USH2A: variants seen among roughly 807,000 people sequenced by gnomAD.
The protein encoded by USH2A is Usher syndrome 2A (autosomal recessive, mild).
A neutral mutation model predicts 538.9 loss-of-function variants in USH2A; 443 were observed. That is an observed-to-expected ratio of 0.82 (90% CI 0.76 to 0.89). The LOEUF (loss-of-function observed/expected upper bound fraction) is 0.89. Ranked by LOEUF, USH2A falls within the 40% of genes least tolerant of loss-of-function variation. The pLI, the probability that USH2A is intolerant of heterozygous loss-of-function variation, is 0.00. For synonymous variants in USH2A, 2,413 were observed against 2,273.5 expected (o/e 1.06, Z -1.75); for missense variants, 6,633 against 6,324.8 (o/e 1.05, Z -1.65).
chr1:216,207,728 T>C (rs1443818934), intron 15 of USH2A, among the ~76,000 whole-genome samples: 5 of 151,610 alleles, frequency 3.3e-5, no homozygotes, highest in African/African-American at 1.2e-4. Context: ...TTTTTTTTTT[T>C]TTTGAGAAAC....
intron 38 of USH2A, among the ~76,000 whole-genome samples, chr1:215,912,026 C>T (rs762965964): frequency 6.6e-6 from 1 of 151,960 alleles, no homozygotes; most frequent in South Asian, 2.1e-4. Context: ...AATGTCTATT[C>T]AAATATTTTG....
chr1:216,036,668 G>T (rs1295019503), intron 32 of USH2A, among the ~76,000 whole-genome samples: 2 of 152,082 alleles, frequency 1.3e-5, no homozygotes, highest in Non-Finnish European at 2.9e-5. Flanking sequence ...AATTCTAATT[G>T]CACAGATGAA....
intron 3 of USH2A, among the ~76,000 whole-genome samples, chr1:216,381,096 G>A (rs1345081912): frequency 1.3e-5 from 2 of 152,138 alleles, no homozygotes; most frequent in Non-Finnish European, 2.9e-5. Flanking sequence ...GAGAAAAGGA[G>A]AGAAGAAATT....
chr1:216,230,740 T>A (rs558159792), intron 14 of USH2A, among the ~76,000 whole-genome samples: 1 of 152,138 alleles, frequency 6.6e-6, no homozygotes, highest in African/African-American at 2.4e-5. Context: ...TTTATAAATA[T>A]ACACATATTG....
At chr1:216,231,579 T>A (rs1472720383) in intron 14 of USH2A, among the ~76,000 whole-genome samples, 1 of 151,598 alleles carries the variant, frequency 6.6e-6, no homozygotes, top group Non-Finnish European at 1.5e-5. Flanking sequence ...GACAGAGTCT[T>A]GCCCTGTCTC....
chr1:216,177,264 T>A lies in USH2A; in HGVS notation c.4397-1782A>T, dbSNP rs1276720590. On this transcript the variant is annotated intron_variant, in intron 20 of 71. Transcript: ENST00000307340. ...TCCAGATTTTGGCCATTCTAATGGG[T>A]GTGTAGTGGTATCTTATTTTAATTT... is the stretch of plus-strand genomic sequence containing the variant. Among the ~76,000 whole-genome samples, 3 of 152,146 alleles carry A rather than the reference T, an allele frequency of 2.0e-5. No individual in the cohort carries two copies. The East Asian group carries it at 5.8e-4, about 29-fold the overall frequency.
chr1:216,313,015 T>A (rs1571690545), intron 9 of USH2A, among the ~76,000 whole-genome samples: 2 of 152,060 alleles, frequency 1.3e-5, no homozygotes, highest in Admixed American at 6.6e-5. Flanking sequence ...GCACCAGGGA[T>A]CGGTTTTGTG....
At chr1:215,674,076 G>A (rs370984011) in intron 63 of USH2A, 24 bp downstream of exon 63, 1 of 1,613,818 alleles carries the variant, frequency 6.2e-7, no homozygotes, top group Non-Finnish European at 8.5e-7. Flanking sequence ...CTTACTCTCA[G>A]AAAACCGAGA....
Position 215,704,984 on chromosome 1 carries a change from T to C in USH2A, c.12066+23046A>G, listed in dbSNP as rs114104876. Among the ~76,000 whole-genome samples, 757 of 152,336 alleles carry C rather than the reference T, an allele frequency of 5.0e-3. 5 individuals are homozygous for C. Among genetic ancestry groups the C allele is most frequent in the African/African-American group, 0.017 (709 of 41,578 alleles). ...TGTTTGGCACCATATGGGTGCTCTA[T>C]AGATGTCTGCGGAATGAATAAATTA... On this transcript the variant is annotated intron_variant, in intron 61 of 71. Coordinates refer to ENST00000307340, the MANE Select transcript of USH2A (RefSeq NM_206933.4).
chr1:215,830,746 C>A, intron 47 of USH2A, among the ~76,000 whole-genome samples: 1 of 152,168 alleles, frequency 6.6e-6, no homozygotes, highest in East Asian at 1.9e-4. Flanking sequence ...ATTTTGAGAT[C>A]AGAACTATTA....
chr1:216,350,760 G>A (rs373647677), intron 4 of USH2A, among the ~76,000 whole-genome samples: 4 of 152,108 alleles, frequency 2.6e-5, no homozygotes, highest in East Asian at 3.9e-4. Flanking sequence ...CCTTGCTGAG[G>A]GTGAAAGCTG....
intron 21 of USH2A, among the ~76,000 whole-genome samples, chr1:216,124,622 A>G (rs545463764): frequency 1.3e-5 from 2 of 152,196 alleles, no homozygotes; most frequent in Non-Finnish European, 2.9e-5. Context: ...AGATAAGAAC[A>G]TATTCAACCT....
intron 27 of USH2A, 76 bp downstream of exon 27, chr1:216,078,013 C>A (rs2031809955): frequency 1.9e-6 from 3 of 1,588,924 alleles, no homozygotes; most frequent in Non-Finnish European, 2.6e-6. Flanking sequence ...ATTGCTATCT[C>A]TTGAAACACA....
Position 216,242,385 on chromosome 1 carries a change from T to C in USH2A, c.2809+4200A>G, listed in dbSNP as rs945965836. Among the ~76,000 whole-genome samples, 32 of 150,710 alleles carry C rather than the reference T, an allele frequency of 2.1e-4. 1 individual carries two copies. Among genetic ancestry groups the C allele is most frequent in the Middle Eastern group, 3.5e-3 (1 of 288 alleles). On this transcript the variant is annotated intron_variant, in intron 13 of 71. Transcript: ENST00000307340. ...GAAAAAAAAAGAAAAAAAAAATATATATATATGTATATATAATTCCTTGTA... is the reference window on the plus strand; with the variant it reads ...GAAAAAAAAAGAAAAAAAAAATATACATATATGTATATATAATTCCTTGTA...
At chr1:215,639,004 C>CAAA in intron 69 of USH2A, 151 bp downstream of exon 69, 14 of 583,628 alleles carry the variant, frequency 2.4e-5, no homozygotes, top group South Asian at 6.8e-5. Context: ...AAAAAAAAAA[C>CAAA]AAAAAAAAAA....
At chr1:215,881,327 G>A (rs992807316) in intron 41 of USH2A, among the ~76,000 whole-genome samples, 4 of 152,074 alleles carry the variant, frequency 2.6e-5, no homozygotes, top group Non-Finnish European at 4.4e-5. Flanking sequence ...TTTTAGTAGA[G>A]AGGGGTTCTG....
intron 11 of USH2A, among the ~76,000 whole-genome samples, chr1:216,284,631 A>G (rs532515764): frequency 6.6e-6 from 1 of 152,306 alleles, no homozygotes; most frequent in East Asian, 1.9e-4. Context: ...AGTGGAAGCA[A>G]CTTTGGGACT....
intron 60 of USH2A, among the ~76,000 whole-genome samples, chr1:215,736,465 A>G (rs1660157951): frequency 1.3e-5 from 2 of 152,294 alleles, no homozygotes; most frequent in Non-Finnish European, 1.5e-5. Context: ...ATTATGAAAT[A>G]ATGTTGATAA....
At chr1:215,837,480 A>G (rs1437031932) in intron 47 of USH2A, among the ~76,000 whole-genome samples, 1 of 152,180 alleles carries the variant, frequency 6.6e-6, no homozygotes, top group Non-Finnish European at 1.5e-5. Flanking sequence ...ACTCGCTTTC[A>G]AACTATGGTC....
Sources: gnomAD v4.1 joint callset for allele counts (sites outside exome capture counted in the v4.1 genomes callset) on GRCh38, gnomAD v4.1.1 for gene constraint, MANE v1.5 for transcripts, NCBI Gene and HGNC (gene_info 2026-07-23, HGNC 2026-07-21) for gene names.